PCDHGA7: variants seen among roughly 807,000 people sequenced by gnomAD.
PCDHGA7 encodes the protein protocadherin gamma subfamily A, 7, also known as protocadherin gamma-A7.
PCDHGA7 carries 44 observed loss-of-function variants against 58.3 expected under a neutral mutation model. The observed-to-expected ratio is 0.75, with a 90% CI of 0.59 to 0.97. The LOEUF (loss-of-function observed/expected upper bound fraction) is 0.97. Among genes scored for constraint, PCDHGA7 ranks in the 50% least tolerant of loss-of-function variants. The pLI is 0.00. For synonymous variants in PCDHGA7, 516 were observed against 504.2 expected (o/e 1.02, Z -0.31); for missense variants, 1,266 against 1,188.7 (o/e 1.06, Z -0.96).
rs779686795 is a variant in PCDHGA7 at position 141,476,566 on chromosome 5, G to C, written c.2425-18241G>C. The stretch of plus-strand genomic sequence containing the variant: ...TGGAGATTAGCGAGGCCGTGGCTCC[G>C]GGGACGCGCTTTCCGCTCGAGAGCG... On this transcript the variant is annotated intron_variant, in intron 1 of 3. Transcript: ENST00000518325. This position sits in a 1 kb window ranked among gnomAD's most constrained non-coding sequence, Gnocchi z 7.6. 1.2e-6 allele frequency: 2 copies of C among 1,614,180 alleles called. No homozygotes were observed. The highest frequency in any genetic ancestry group is 1.7e-5 in the Admixed American group (1 of 60,030).
intron 1 of PCDHGA7, chr5:141,392,909 C>T: frequency 1.2e-6 from 2 of 1,613,876 alleles, no homozygotes; most frequent in Admixed American, 3.3e-5. Flanking sequence ...GACAGATTCG[C>T]TACTCTGTGC....
At chr5:141,394,097 A>C in intron 1 of PCDHGA7, 1 of 1,613,932 alleles carries the variant, frequency 6.2e-7, no homozygotes, top group South Asian at 1.1e-5. Context: ...CAGATCTAGG[A>C]ACACCACCTC....
In PCDHGA7 at chr5:141,460,596, C is replaced by A. The variant is rs930441447; in HGVS notation, c.2425-34211C>A. On this transcript the variant is annotated intron_variant, in intron 1 of 3. Transcript: ENST00000518325. ...TGTAGGTGTGGGTTTTTTCTGGGCT[C>A]TCTGTGTTAGATGGATAGATAGACA... Among the ~76,000 whole-genome samples the A allele has an allele frequency of 1.3e-5, 2 of 151,986 alleles. 1 individual carries two copies. The highest frequency in any genetic ancestry group is 4.1e-4 in the South Asian group (2 of 4,824).
intron 1 of PCDHGA7, chr5:141,421,172 G>T: frequency 7.3e-7 from 1 of 1,366,164 alleles, no homozygotes. Flanking sequence ...AGATACATAA[G>T]CCGATTCACA....
At chr5:141,449,542 T>C (rs1379019468) in intron 1 of PCDHGA7, among the ~76,000 whole-genome samples, 2 of 142,482 alleles carry the variant, frequency 1.4e-5, no homozygotes, top group African/African-American at 5.3e-5. Context: ...TGAGCCGAGA[T>C]CGCACCACTG....
intron 1 of PCDHGA7, among the ~76,000 whole-genome samples, chr5:141,443,035 CTT>C (rs2098359592): frequency 6.6e-6 from 1 of 152,208 alleles, no homozygotes; most frequent in African/African-American, 2.4e-5. Context: ...CAGACCTAAA[CTT>C]TGAAAATTAT....
intron 1 of PCDHGA7, chr5:141,403,053 C>A: frequency 6.2e-7 from 1 of 1,614,076 alleles, no homozygotes; most frequent in Non-Finnish European, 8.5e-7. Context: ...ATTCGCTACT[C>A]AGTGCCTGAA....
chr5:141,395,273 A>G, intron 1 of PCDHGA7: 1 of 1,543,700 alleles, frequency 6.5e-7, no homozygotes, highest in Non-Finnish European at 8.7e-7. Context: ...TAATTTCCAG[A>G]TGAATTTTAT....
intron 1 of PCDHGA7, chr5:141,478,479 C>T (rs750055106): frequency 1.9e-6 from 3 of 1,613,550 alleles, no homozygotes; most frequent in Admixed American, 1.7e-5. Context: ...CGCCAGAACA[C>T]GCTGCGGAGC....
intron 1 of PCDHGA7, among the ~76,000 whole-genome samples, chr5:141,448,106 A>G (rs1308837314): frequency 1.3e-5 from 2 of 151,996 alleles, no homozygotes. Context: ...AAATTAAAAG[A>G]AAAGAAAATT....
intron 1 of PCDHGA7, 140 bp downstream of exon 1, chr5:141,385,463 T>A: frequency 6.9e-7 from 1 of 1,443,350 alleles, no homozygotes; most frequent in Non-Finnish European, 9.1e-7. Flanking sequence ...TTTCCTTCAG[T>A]GGTGACACTT....
Position 141,407,977 on chromosome 5 carries a change from G to T in PCDHGA7, c.2424+22654G>T, listed in dbSNP as rs943554200. ...GTGCAGAGCAAGCGCTGACGCCGGG[G>T]ATCCGTCAGCCTCTGGCCTGGGATT... On this transcript the variant is annotated intron_variant, in intron 1 of 3. Coordinates refer to ENST00000518325, the MANE Select transcript of PCDHGA7 (RefSeq NM_018920.4). 65 of 747,656 alleles carry T rather than the reference G, an allele frequency of 8.7e-5. No individual in the cohort carries two copies. The African/African-American group carries it at 1.0e-3, about 12-fold the overall frequency. The allele number at this position is 747,656 out of a possible 1,614,324, so 46.3% of individuals were successfully genotyped here. A position where few individuals can be genotyped will look rare whatever the true frequency, so the allele number is the denominator to read the frequency against.
intron 1 of PCDHGA7, chr5:141,390,345 A>G: frequency 6.3e-7 from 1 of 1,576,504 alleles, no homozygotes; most frequent in Non-Finnish European, 8.7e-7. Context: ...TTCACAAGAA[A>G]ATATACATAT....
rs1326296096 is a variant in PCDHGA7, at chr5:141,505,460, A to G, written c.2551A>G (p.Met851Val). The change falls in exon 3 of 4, where the codon ATG becomes GTG. Residue 851 changes from methionine to valine, a missense_variant. Transcript: ENST00000518325. Reference protein sequence around the residue: ...NQFDTEMLQAMILASASEAAD... With the variant: ...NQFDTEMLQAVILASASEAAD... ...GTTTGACACAGAGATGCTGCAAGCC[A>G]TGATCTTGGCGTCCGCCAGTGGTAA... 2 of 1,614,070 alleles carry G rather than the reference A, an allele frequency of 1.2e-6. No homozygotes were observed. The highest frequency in any genetic ancestry group is 1.3e-5 in the African/African-American group (1 of 74,942).
intron 1 of PCDHGA7, chr5:141,404,186 C>A (rs767632448): frequency 1.2e-6 from 2 of 1,612,966 alleles, no homozygotes; most frequent in Middle Eastern, 1.6e-4. Flanking sequence ...AATTCTTGAC[C>A]GAGAAAAAGC....
At position 141,476,114 on chromosome 5, in the gene PCDHGA7, G is replaced by C; in HGVS notation, c.2425-18693G>C. 3.8e-6 allele frequency: 6 copies of C among 1,592,296 alleles called. No homozygotes were observed. Among genetic ancestry groups the C allele is most frequent in the Non-Finnish European group, 5.1e-6 (6 of 1,171,536 alleles). On this transcript the variant is annotated intron_variant, in intron 1 of 3. Coordinates refer to ENST00000518325, the MANE Select transcript of PCDHGA7 (RefSeq NM_018920.4). This position sits in a 1 kb window ranked among gnomAD's most constrained non-coding sequence, Gnocchi z 7.6. Reference sequence around the variant, plus strand: ...CCGCTGAGAGGAACTGCTTTTGAGTGAGATGGTCCCAGAGGCCTGGAGGAG... The same window carrying C: ...CCGCTGAGAGGAACTGCTTTTGAGTCAGATGGTCCCAGAGGCCTGGAGGAG...
intron 2 of PCDHGA7, among the ~76,000 whole-genome samples, chr5:141,497,880 T>C (rs2099780200): frequency 6.6e-6 from 1 of 152,170 alleles, no homozygotes; most frequent in Non-Finnish European, 1.5e-5. Context: ...GAAATAAGCG[T>C]TAGGATCTAG....
chr5:141,404,405 TC>T, intron 1 of PCDHGA7: 1 of 1,613,914 alleles, frequency 6.2e-7, no homozygotes, highest in South Asian at 1.1e-5. Flanking sequence ...CAATGAGAAT[TC>T]TAGAGTTATT....
chr5:141,430,984 C>G (rs765063685), intron 1 of PCDHGA7: 2 of 1,613,530 alleles, frequency 1.2e-6, no homozygotes, highest in Non-Finnish European at 1.7e-6. Flanking sequence ...CGCAGCTTTT[C>G]GCCCTGAATC....
Sources: gnomAD v4.1 joint callset for allele counts (sites outside exome capture counted in the v4.1 genomes callset) on GRCh38, gnomAD v4.1.1 for gene constraint, Gnocchi (gnomAD v3.1) non-coding constraint, MANE v1.5 for transcripts, NCBI Gene and HGNC (gene_info 2026-07-23, HGNC 2026-07-21) for gene names.